ACADS: variants seen among roughly 807,000 people sequenced by gnomAD.
ACADS encodes acyl-CoA dehydrogenase short chain, also known as short-chain specific acyl-CoA dehydrogenase, mitochondrial.
A neutral mutation model predicts 46.8 loss-of-function variants in ACADS; 28 were observed. The observed-to-expected ratio is 0.60, with a 90% CI of 0.44 to 0.82. The LOEUF (loss-of-function observed/expected upper bound fraction) is 0.82, where lower values mean the gene tolerates loss of function less well. ACADS is among the 40% of genes least tolerant of loss of function. The pLI, the probability that ACADS is intolerant of heterozygous loss-of-function variation, is 0.00. For missense variants in ACADS, 528 were observed against 578.0 expected, an observed-to-expected ratio of 0.91 and a Z score of 0.89; for synonymous variants, 236 against 237.7, an observed-to-expected ratio of 0.99 and a Z score of 0.07.
At chr12:120,732,506 G>A (rs1309275120) in intron 2 of ACADS, among the ~76,000 whole-genome samples, 15 of 147,752 alleles carry the variant, frequency 1.0e-4, no homozygotes, top group African/African-American at 3.5e-4. Context: ...CTCACTTCTC[G>A]GGGCGGGCAG....
intron 4 of ACADS, 118 bp downstream of exon 4, chr12:120,737,585 T>G (rs929718602): frequency 1.7e-6 from 2 of 1,144,708 alleles, no homozygotes; most frequent in Non-Finnish European, 2.6e-6. Context: ...CCCGTGTGGT[T>G]GGTAGGGTGA....
chr12:120,731,972 A>G (rs1325703836), intron 2 of ACADS, among the ~76,000 whole-genome samples: 2 of 152,270 alleles, frequency 1.3e-5, no homozygotes, highest in Non-Finnish European at 2.9e-5. Context: ...ATAGATCAAC[A>G]GCATCCCAAG....
chr12:120,737,034 G>A lies in ACADS; in HGVS notation c.259G>A (p.Glu87Lys). 4 of 1,610,430 alleles carry A rather than the reference G, an allele frequency of 2.5e-6. No homozygotes were observed. Among genetic ancestry groups the A allele is most frequent in the Admixed American group, 1.7e-5 (1 of 59,600 alleles). The change falls in exon 3 of 10, where the codon GAG (glutamate) becomes AAG (lysine). Residue 87 changes from glutamate to lysine, a missense_variant. Physicochemically the swap from Glu to Lys is moderately conservative, Grantham distance 56. Coordinates refer to ENST00000242592, the MANE Select transcript of ACADS (RefSeq NM_000017.4). ...GCTTCTGGCCATGGACGTGCCCGAG[G>A]AGCTTGGCGGTGCTGGCCTCGATTA... ...LGLLAMDVPE[E>K]LGGAGLDYLA...
In ACADS at chr12:120,736,946, C is replaced by T. The variant is rs780671336; in HGVS notation, c.211-40C>T. On this transcript the variant is annotated intron_variant, in intron 2 of 9. Transcript: ENST00000242592. ...GGCTTGGGGAGGGTGGGCTCGCCCC[C>T]GGCAGCTGCCCATGGCGTGCCGTCC... The T allele has an allele frequency of 7.5e-5, 117 of 1,554,900 alleles. 1 individual carries two copies. In the East Asian group the frequency reaches 1.8e-3, roughly 23 times the overall value.
In ACADS at chr12:120,728,454, C is replaced by T. The variant is rs1012822887; in HGVS notation, c.210+1265C>T. On this transcript the variant is annotated intron_variant, in intron 2 of 9. Transcript: ENST00000242592. This position sits in a 1 kb window ranked among gnomAD's most constrained non-coding sequence, Gnocchi z 4.0. ...TGATTTGTGAAAAGTCAAACCTCTCCGGCCTCTTCTCCTTGCCTGTTTTTT... is the reference window on the plus strand; with the variant it reads ...TGATTTGTGAAAAGTCAAACCTCTCTGGCCTCTTCTCCTTGCCTGTTTTTT... Among the ~76,000 whole-genome samples, 24 of 150,110 alleles carry T rather than the reference C, an allele frequency of 1.6e-4. No individual in the cohort carries two copies. The South Asian group carries it at 4.2e-3, about 26-fold the overall frequency.
Position 120,739,008 on chromosome 12 carries a change from G to C in ACADS, c.1029+93G>C, listed in dbSNP as rs1883561517. 8.2e-6 allele frequency: 13 copies of C among 1,590,902 alleles called. No homozygotes were observed. In the East Asian group the frequency reaches 2.9e-4, roughly 36 times the overall value. ...CGGGTCTCTGCTCCTTGGCCCCGTGGGTCAGAGGTGTGGGCCTGGGGTTTA... is the reference window on the plus strand; with the variant it reads ...CGGGTCTCTGCTCCTTGGCCCCGTGCGTCAGAGGTGTGGGCCTGGGGTTTA... On this transcript the variant is annotated intron_variant, in intron 8 of 9. Transcript: ENST00000242592.
intron 2 of ACADS, among the ~76,000 whole-genome samples, chr12:120,732,463 C>T (rs536468214): frequency 6.6e-6 from 1 of 150,796 alleles, no homozygotes; most frequent in Admixed American, 6.6e-5. Flanking sequence ...CTCCTCACTT[C>T]TCAGATGGGG....
intron 2 of ACADS, among the ~76,000 whole-genome samples, chr12:120,735,949 A>G (rs80005880): frequency 0.043 from 6,555 of 152,006 alleles, 479 homozygotes; most frequent in African/African-American, 0.15. Context: ...CAGGAATGAG[A>G]TTGTATAAAA....
At position 120,739,476 on chromosome 12, in the gene ACADS, G is replaced by A. The variant is rs754619218; in HGVS notation, c.*28G>A. ...CCGCGGCGGACTGCCCCAGGACTGC[G>A]GGAAGGCGCGGGAGCCAGGGGCCTC... On this transcript the variant is annotated 3_prime_UTR_variant, in exon 10 of 10. Transcript: ENST00000242592. The A allele has an allele frequency of 9.4e-6, 15 of 1,594,604 alleles. No homozygotes were observed. Among genetic ancestry groups the A allele is most frequent in the South Asian group, 7.7e-5 (7 of 90,608 alleles).
intron 4 of ACADS, 139 bp from the exon 5 acceptor site, chr12:120,737,696 CTG>C (rs1204428771): frequency 1.5e-6 from 2 of 1,313,036 alleles, no homozygotes; most frequent in Non-Finnish European, 2.1e-6. Context: ...GGTCCCATCA[CTG>C]AGAGCTTTGG....
chr12:120,728,753 C>T lies in ACADS; in HGVS notation c.210+1564C>T, dbSNP rs546202024. Among the ~76,000 whole-genome samples the T allele has an allele frequency of 2.0e-5, 3 of 151,982 alleles. No individual in the cohort carries two copies. The highest frequency in any genetic ancestry group is 2.4e-5 in the African/African-American group (1 of 41,452). ...AACTCCTGAGCTCAGGCAATCCACC[C>T]GCCTCGGCCTCGCAAAGTGCTGGGA... On this transcript the variant is annotated intron_variant, in intron 2 of 9. Transcript: ENST00000242592. This position sits in a 1 kb window ranked among gnomAD's most constrained non-coding sequence, Gnocchi z 4.0.
chr12:120,738,723 AGT>A, intron 7 of ACADS, 53 bp downstream of exon 7: 3 of 1,609,020 alleles, frequency 1.9e-6, no homozygotes, highest in Non-Finnish European at 2.5e-6. Flanking sequence ...GCGGGCGGAG[AGT>A]GTGGCCTCCT....
rs2136949225 is a variant in ACADS at position 120,737,906 on chromosome 12, G to A, written c.542G>A (p.Gly181Glu). 6.2e-7 allele frequency: 1 copy of A among 1,614,148 alleles called. No individual in the cohort carries two copies. Among genetic ancestry groups the A allele is most frequent in the Non-Finnish European group, 8.5e-7 (1 of 1,180,032 alleles). ...GAGGGCGACTCATGGGTTCTGAATG[G>A]AACCAAAGCCTGGATCACCAATGCC... The part of the protein sequence containing the change: ...RAEGDSWVLN[G>E]TKAWITNAWE... Residue 181 changes from glycine (G) to glutamate (E), a missense_variant, in exon 5 of 10, where the codon GGA becomes GAA. Transcript: ENST00000242592.
intron 9 of ACADS, 25 bp from the exon 10 acceptor site, chr12:120,739,271 T>C: frequency 6.2e-7 from 1 of 1,612,986 alleles, no homozygotes; most frequent in Non-Finnish European, 8.5e-7. Context: ...GTCTTCTCCC[T>C]CCTGAGCCAC....
rs183161718 is a variant in ACADS, at chr12:120,739,339, C to T, written c.1130C>T (p.Pro377Leu). The change falls in exon 10 of 10, where the codon CCG (proline) becomes CTG (leucine). Residue 377 changes from proline to leucine, a missense_variant. Pro to Leu is a moderately conservative substitution (Grantham distance 98, BLOSUM62 -3). Coordinates refer to ENST00000242592, the MANE Select transcript of ACADS (RefSeq NM_000017.4). ...LGGMGYVTEMPAERHYRDARI... is the reference protein window; with the variant it reads ...LGGMGYVTEMLAERHYRDARI... ...GGCATGGGCTACGTGACAGAGATGC[C>T]GGCAGAGCGGCACTACCGCGACGCC... 3.9e-5 allele frequency: 63 copies of T among 1,613,064 alleles called. No individual in the cohort carries two copies. The East Asian group carries it at 4.2e-4, about 11-fold the overall frequency.
Position 120,739,969 on chromosome 12 carries a change from T to C in ACADS, c.*521T>C. 5.7e-6 allele frequency: 1 copy of C among 174,422 alleles called. No homozygotes were observed. The highest frequency in any genetic ancestry group is 1.4e-4 in the South Asian group (1 of 7,334). The allele number at this position is 174,422 out of a possible 1,614,324, so 10.8% of individuals were successfully genotyped here. On this transcript the variant is annotated 3_prime_UTR_variant, in exon 10 of 10. Transcript: ENST00000242592. ...TGAAGGCAGGGGTGGTGATTCATGC[T>C]GTGTGACTGACTGTGGGTAATAAAC... is the stretch of plus-strand genomic sequence containing the variant.
chr12:120,736,433 C>T (rs943086305), intron 2 of ACADS, among the ~76,000 whole-genome samples: 28 of 152,204 alleles, frequency 1.8e-4, no homozygotes, highest in Non-Finnish European at 4.0e-4. Context: ...CAGAGAAGCA[C>T]GTTCATCCCT....
intron 2 of ACADS, among the ~76,000 whole-genome samples, chr12:120,732,898 T>C (rs896358024): frequency 3.9e-5 from 6 of 152,250 alleles, no homozygotes; most frequent in South Asian, 4.1e-4. Context: ...TGTAGCGAGC[T>C]GAGATCAAGC....
Position 120,737,384 on chromosome 12 carries a change from T to G in ACADS, c.389T>G (p.Phe130Cys). 1.2e-6 allele frequency: 2 copies of G among 1,614,140 alleles called. No individual in the cohort carries two copies. Among genetic ancestry groups the G allele is most frequent in the Non-Finnish European group, 1.7e-6 (2 of 1,180,014 alleles). The change falls in exon 4 of 10, where the codon TTT (phenylalanine) becomes TGT (cysteine). Residue 130 changes from phenylalanine to cysteine, a missense_variant. Transcript: ENST00000242592. ...CTCTACCTGGGGCCCATCTTGAAGT[T>G]TGGCTCCAAGGAGCAGAAGCAGGCG... ...NSLYLGPILK[F>C]GSKEQKQAWV...
Sources: gnomAD v4.1 joint callset for allele counts (sites outside exome capture counted in the v4.1 genomes callset) on GRCh38, gnomAD v4.1.1 for gene constraint, Gnocchi (gnomAD v3.1) non-coding constraint, MANE v1.5 for transcripts, NCBI Gene and HGNC (gene_info 2026-07-23, HGNC 2026-07-21) for gene names.